STK3: variants seen among roughly 807,000 people sequenced by gnomAD.
STK3 encodes serine/threonine-protein kinase 3.
A neutral mutation model predicts 58.0 loss-of-function variants in STK3; 41 were observed. The ratio of observed to expected loss-of-function variants is 0.71; its 90% CI spans 0.55 to 0.92. STK3 has a LOEUF of 0.92. Among genes scored for constraint, STK3 ranks in the 40% least tolerant of loss-of-function variants. The probability of loss-of-function intolerance (pLI) is 0.00; values close to 1 mark genes in which losing one functional copy is unlikely to be tolerated. For synonymous variants in STK3, 170 were observed against 191.0 expected (o/e 0.89, Z 0.91); for missense variants, 479 against 602.7 (o/e 0.79, Z 2.15).
At chr8:98,437,625 CAGTCAGACACCCATCGAACTGTTTCCT>C (rs1381514850) in intron 1 of STK3, 1 of 152,194 alleles carries the variant, frequency 6.6e-6, no homozygotes, top group Non-Finnish European at 1.5e-5. Context: ...GAGGTGCCAG[CAGTCAGACACCCATCGAACTGTTTCCT>C]AAGAGGAGAA....
At chr8:98,417,516 AAAAT>A (rs57825054) in intron 3 of STK3, among the ~76,000 whole-genome samples, 36 of 150,228 alleles carry the variant, frequency 2.4e-4, no homozygotes, top group African/African-American at 5.7e-4. Flanking sequence ...TCTGTCTCAA[AAAAT>A]AAATAAATAA....
At position 98,936,417 on chromosome 8, in the gene STK3, T is replaced by C. The variant is rs80331857; in HGVS notation, c.-79+5961A>G. 2.4e-4 allele frequency among the ~76,000 whole-genome samples: 36 copies of C among 152,284 alleles called. 1 individual carries two copies. In the East Asian group the frequency reaches 5.0e-3, roughly 21 times the overall value. ...GTAGACCATAGCTCCAAATTCATTATTGCGTTCCCAGTACCTACCACAAGG... is the reference window on the plus strand; with the variant it reads ...GTAGACCATAGCTCCAAATTCATTACTGCGTTCCCAGTACCTACCACAAGG... On this transcript the variant is annotated intron_variant, in intron 1 of 1. Coordinates refer to the STK3 transcript ENST00000519420.
intron 6 of STK3, among the ~76,000 whole-genome samples, chr8:98,653,399 AC>A (rs1333973442): frequency 2.0e-5 from 3 of 152,190 alleles, no homozygotes; most frequent in Non-Finnish European, 2.9e-5. Context: ...CAAAATTGAC[AC>A]CCTAATATCA....
At chr8:98,927,083 T>C (rs768433818) in intron 1 of STK3, among the ~76,000 whole-genome samples, 2 of 152,190 alleles carry the variant, frequency 1.3e-5, no homozygotes, top group Non-Finnish European at 2.9e-5. Flanking sequence ...AGAATCAAGA[T>C]ATCTAGATGG....
chr8:98,344,693 A>G, the STK3 span, among the ~76,000 whole-genome samples: 1 of 151,870 alleles, frequency 6.6e-6, no homozygotes, highest in Non-Finnish European at 1.5e-5. Flanking sequence ...GGAGATCGAG[A>G]CCATCCCGGC....
intron 6 of STK3, among the ~76,000 whole-genome samples, chr8:98,663,743 C>T (rs1301949165): frequency 6.6e-6 from 1 of 152,104 alleles, no homozygotes; most frequent in African/African-American, 2.4e-5. Context: ...AAGCTGGAAA[C>T]CATCATTCTC....
intron 3 of STK3, among the ~76,000 whole-genome samples, chr8:98,863,552 T>C (rs1174868146): frequency 2.0e-5 from 3 of 152,156 alleles, no homozygotes; most frequent in African/African-American, 7.2e-5. Flanking sequence ...TAGCATGTGG[T>C]AATTAATAAA....
chr8:98,792,896 ATGTG>A (rs34465301), intron 1 of STK3, among the ~76,000 whole-genome samples: 2,795 of 145,742 alleles, frequency 0.019, 74 homozygotes, highest in African/African-American at 0.065. Context: ...AAGAGACTGT[ATGTG>A]TGTGTGTGTG....
intron 1 of STK3, chr8:98,904,867 T>C: frequency 1.5e-6 from 1 of 678,476 alleles, no homozygotes; most frequent in South Asian, 1.4e-5. Flanking sequence ...TTAGCAGAAG[T>C]AGAGTTGAGG....
intron 3 of STK3, among the ~76,000 whole-genome samples, chr8:98,833,960 T>C (rs1835646596): frequency 6.6e-6 from 1 of 152,026 alleles, no homozygotes. Context: ...AAGAGAACCA[T>C]GCAGAGAAGA....
At chr8:98,694,510 C>A (rs1420897970) in intron 6 of STK3, among the ~76,000 whole-genome samples, 13 of 152,062 alleles carry the variant, frequency 8.5e-5, no homozygotes, top group Admixed American at 8.5e-4. Context: ...CTCCCCGCAC[C>A]CCAGAACAGT....
intron 3 of STK3, among the ~76,000 whole-genome samples, chr8:98,843,873 C>G (rs567372285): frequency 6.6e-6 from 1 of 152,276 alleles, no homozygotes; most frequent in Non-Finnish European, 1.5e-5. Context: ...AAAAATTTGC[C>G]GGGCGTGATG....
At position 98,599,213 on chromosome 8, in the gene STK3, G is replaced by A. The variant is rs547601641; in HGVS notation, c.685-3044C>T. ...TGAGAAAACACTATAAAACTATAAA[G>A]AAGTAAACAAATATAGCTGTTTCCT... On this transcript the variant is annotated intron_variant, in intron 6 of 10. Coordinates refer to ENST00000419617, the MANE Select transcript of STK3 (RefSeq NM_006281.4). Among the ~76,000 whole-genome samples the A allele has an allele frequency of 3.9e-5, 6 of 152,188 alleles. No individual in the cohort carries two copies. In the South Asian group the frequency reaches 6.2e-4, roughly 16 times the overall value.
chr8:98,933,623 A>G (rs977740926), intron 1 of STK3, among the ~76,000 whole-genome samples: 6 of 152,336 alleles, frequency 3.9e-5, no homozygotes, highest in East Asian at 3.9e-4. Context: ...TAAATTGTAT[A>G]TAAGTATGTC....
intron 10 of STK3, among the ~76,000 whole-genome samples, chr8:98,469,259 G>T (rs537192539): frequency 1.1e-4 from 6 of 55,364 alleles, no homozygotes; most frequent in East Asian, 1.7e-3. Flanking sequence ...TTGCGGGGGC[G>T]GGGGGGCGGT....
chr8:98,759,322 G>C (rs915754691), intron 3 of STK3, among the ~76,000 whole-genome samples: 3 of 151,334 alleles, frequency 2.0e-5, no homozygotes, highest in Non-Finnish European at 4.4e-5. Flanking sequence ...GTGTCTCAAG[G>C]AATAGGAAAG....
chr8:98,928,051 C>T (rs1267069104), intron 1 of STK3, among the ~76,000 whole-genome samples: 1 of 152,182 alleles, frequency 6.6e-6, no homozygotes, highest in Non-Finnish European at 1.5e-5. Flanking sequence ...CTGTAGGGTA[C>T]TTCAGTATGC....
chr8:98,589,828 A>G (rs1168700643), intron 7 of STK3, among the ~76,000 whole-genome samples: 1 of 152,182 alleles, frequency 6.6e-6, no homozygotes, highest in Non-Finnish European at 1.5e-5. Flanking sequence ...CCGTCGGAAA[A>G]GTGCAGTATT....
At chr8:98,540,410 C>T (rs536304046) in intron 9 of STK3, among the ~76,000 whole-genome samples, 12 of 152,294 alleles carry the variant, frequency 7.9e-5, no homozygotes, top group Admixed American at 7.2e-4. Context: ...GACCCAAAAG[C>T]AGGGTTTATC....
Sources: gnomAD v4.1 joint callset for allele counts (sites outside exome capture counted in the v4.1 genomes callset) on GRCh38, gnomAD v4.1.1 for gene constraint, MANE v1.5 for transcripts, NCBI Gene and HGNC (gene_info 2026-07-23, HGNC 2026-07-21) for gene names.